Variants in LRBA observed in about 807,000 individuals in gnomAD.
LRBA encodes the protein LPS responsive beige-like anchor protein.
A neutral mutation model predicts 330.0 loss-of-function variants in LRBA; 176 were observed. The observed-to-expected ratio is 0.53, with a 90% confidence interval of 0.47 to 0.60. LRBA has a LOEUF of 0.60. Among genes scored for constraint, LRBA ranks in the 20% least tolerant of loss-of-function variants. The pLI is 0.00. For missense variants in LRBA, 3,259 were observed against 3,444.8 expected, an observed-to-expected ratio of 0.95 and a Z score of 1.35; for synonymous variants, 1,230 against 1,193.0, an observed-to-expected ratio of 1.03 and a Z score of -0.64.
chr4:150,589,066 CACACACAG>C (rs1045510617), intron 39 of LRBA, among the ~76,000 whole-genome samples: 8 of 150,038 alleles, frequency 5.3e-5, no homozygotes, highest in East Asian at 1.9e-4. Context: ...CACACACACA[CACACACAG>C]AGAGAGAGAG....
chr4:150,366,385 T>C (rs1158091747), intron 47 of LRBA, among the ~76,000 whole-genome samples: 1 of 152,214 alleles, frequency 6.6e-6, no homozygotes, highest in African/African-American at 2.4e-5. Flanking sequence ...CCACTGTAGT[T>C]AAATTCAACT....
At chr4:150,932,074 T>C (rs944318656) in intron 2 of LRBA, among the ~76,000 whole-genome samples, 1 of 152,000 alleles carries the variant, frequency 6.6e-6, no homozygotes, top group Admixed American at 6.6e-5. Flanking sequence ...GACATGTCTC[T>C]AAAAATAAAA....
intron 22 of LRBA, 55 bp downstream of exon 22, chr4:150,867,616 T>G: frequency 7.1e-7 from 1 of 1,404,940 alleles, no homozygotes. Context: ...ATGACTAAAA[T>G]TCAAAAATTA....
chr4:150,748,940 G>T (rs939194355), intron 35 of LRBA, among the ~76,000 whole-genome samples: 3 of 152,120 alleles, frequency 2.0e-5, no homozygotes. Flanking sequence ...TAGAAGCAAA[G>T]ACCCAGCCCT....
At chr4:150,874,249 C>G (rs1753759253) in intron 17 of LRBA, among the ~76,000 whole-genome samples, 1 of 152,108 alleles carries the variant, frequency 6.6e-6, no homozygotes, top group South Asian at 2.1e-4. Flanking sequence ...GAAAGGCACC[C>G]TAGTTCCCGA....
At chr4:150,756,257 C>G (rs1026652062) in intron 35 of LRBA, among the ~76,000 whole-genome samples, 2 of 152,040 alleles carry the variant, frequency 1.3e-5, no homozygotes, top group African/African-American at 4.8e-5. Flanking sequence ...TCACTGCTAC[C>G]TAGAACAACA....
intron 20 of LRBA, 60 bp from the exon 21 acceptor site, chr4:150,868,365 G>GATGACCTTCTA: frequency 8.0e-7 from 1 of 1,256,736 alleles, no homozygotes; most frequent in Non-Finnish European, 1.1e-6. Flanking sequence ...ATGATAGAAG[G>GATGACCTTCTA]TCATCCATCT....
chr4:151,008,988 A>AAAAAAAAAAAAATATATATATAT (rs1554018903), intron 2 of LRBA, among the ~76,000 whole-genome samples: 1 of 5,524 alleles, frequency 1.8e-4, no homozygotes, highest in Non-Finnish European at 3.9e-4. Context: ...AAAAAAAAAA[A>AAAAAAAAAAAAATATATATATAT]ATATATATAT....
chr4:150,437,208 C>A lies in LRBA; in HGVS notation c.6781-344G>T, dbSNP rs777941591. 4.6e-5 allele frequency among the ~76,000 whole-genome samples: 7 copies of A among 152,000 alleles called. No individual in the cohort carries two copies. In the East Asian group the frequency reaches 1.2e-3, roughly 25 times the overall value. On this transcript the variant is annotated intron_variant, in intron 44 of 56. Transcript: ENST00000651943. ...ACTTTGGAAAGCACCTATAAAACCA[C>A]ATTTAGTTAATTAGAAGCAACAACC...
intron 42 of LRBA, among the ~76,000 whole-genome samples, chr4:150,484,666 C>T (rs1016076330): frequency 6.6e-6 from 1 of 151,578 alleles, no homozygotes; most frequent in African/African-American, 2.4e-5. Flanking sequence ...ACTTTGACTA[C>T]ATGTGCTTCT....
In LRBA at chr4:150,445,389, A is replaced by G. The variant is rs374539269; in HGVS notation, c.6781-8525T>C. On this transcript the variant is annotated intron_variant, in intron 44 of 56. Transcript: ENST00000651943. ...TCTCTCTCTCTCTCTATATATATATATATATATATATATATATATATACAT... is the reference window on the plus strand; with the variant it reads ...TCTCTCTCTCTCTCTATATATATATGTATATATATATATATATATATACAT... 2.7e-5 allele frequency among the ~76,000 whole-genome samples: 3 copies of G among 111,990 alleles called. No homozygotes were observed. In the South Asian group the frequency reaches 7.9e-4, roughly 30 times the overall value. The allele number at this position is 111,990 out of a possible 152,430, so 73.5% of individuals were successfully genotyped here.
intron 37 of LRBA, among the ~76,000 whole-genome samples, chr4:150,664,612 C>G (rs1049085884): frequency 1.3e-5 from 2 of 152,148 alleles, no homozygotes; most frequent in African/African-American, 4.8e-5. Context: ...TCACATATGA[C>G]ACAGGAATTA....
At chr4:150,768,162 A>G (rs1736041322) in intron 34 of LRBA, among the ~76,000 whole-genome samples, 1 of 151,884 alleles carries the variant, frequency 6.6e-6, no homozygotes, top group Non-Finnish European at 1.5e-5. Flanking sequence ...AGGGGGCAAC[A>G]GTACATGAGA....
chr4:150,708,080 C>G (rs1785810261), intron 36 of LRBA, among the ~76,000 whole-genome samples: 1 of 151,740 alleles, frequency 6.6e-6, no homozygotes, highest in Non-Finnish European at 1.5e-5. Flanking sequence ...TCATAATATT[C>G]TGGAAACAGG....
chr4:150,603,258 T>G (rs1413881167), intron 37 of LRBA, among the ~76,000 whole-genome samples: 1 of 152,024 alleles, frequency 6.6e-6, no homozygotes, highest in African/African-American at 2.4e-5. Context: ...AGTTAAATAT[T>G]ATAATCTTTC....
intron 40 of LRBA, among the ~76,000 whole-genome samples, chr4:150,498,810 C>T (rs992870490): frequency 6.6e-6 from 1 of 152,142 alleles, no homozygotes; most frequent in African/African-American, 2.4e-5. Context: ...TGTATCTGTA[C>T]AAAAGAAACA....
intron 46 of LRBA, among the ~76,000 whole-genome samples, chr4:150,425,774 TGAA>T (rs763659804): frequency 6.6e-5 from 10 of 152,030 alleles, no homozygotes; most frequent in Non-Finnish European, 1.3e-4. Context: ...GAAATAAAAA[TGAA>T]GAAGCTCCTT....
chr4:150,579,801 A>C, intron 40 of LRBA: 1 of 446,418 alleles, frequency 2.2e-6, no homozygotes, highest in Non-Finnish European at 4.5e-6. Context: ...GCCACCCCTG[A>C]GGCTGTTTGC....
At chr4:150,424,629 G>GCACACACA (rs368621265) in intron 46 of LRBA, among the ~76,000 whole-genome samples, 1 of 150,110 alleles carries the variant, frequency 6.7e-6, no homozygotes, top group Non-Finnish European at 1.5e-5. Context: ...GTGCACACAC[G>GCACACACA]CACACACACA....
Sources: allele counts gnomAD v4.1 joint callset (sites outside exome capture counted in the v4.1 genomes callset), GRCh38; gene constraint gnomAD v4.1.1; transcripts MANE v1.5; gene names NCBI Gene and HGNC (gene_info 2026-07-23, HGNC 2026-07-21).